ERO1B: variants seen among roughly 807,000 people sequenced by gnomAD.
ERO1B encodes ERO1-like protein beta.
Under a neutral mutation model 75.3 loss-of-function variants are expected in ERO1B, and 49 were observed. The observed-to-expected ratio is 0.65, with a 90% confidence interval of 0.52 to 0.83. The LOEUF is 0.83. Among genes scored for constraint, ERO1B ranks in the 40% least tolerant of loss-of-function variants. The pLI, the probability that ERO1B is intolerant of heterozygous loss-of-function variation, is 0.00. For missense variants in ERO1B, 512 were observed against 560.1 expected (o/e 0.91, Z 0.87); for synonymous variants, 191 against 192.9 (o/e 0.99, Z 0.08).
intron 1 of ERO1B, among the ~76,000 whole-genome samples, chr1:236,281,026 A>G (rs1665817333): frequency 6.6e-6 from 1 of 152,188 alleles, no homozygotes; most frequent in East Asian, 1.9e-4. Flanking sequence ...CAGAGCCTCC[A>G]TCCACGAGCC....
rs1322774033 is a variant in ERO1B at position 236,223,222 on chromosome 1, AAAG to A, written c.1123-1215_1123-1213del. Among the ~76,000 whole-genome samples, 15 of 151,460 alleles carry A rather than the reference AAAG, an allele frequency of 9.9e-5. No homozygotes were observed. The East Asian group carries it at 1.4e-3, about 14-fold the overall frequency. ...TGTCTCAAAAAAAAAAAAAAAAAAA[AAAG>A]AGAAGTTTCCTACACTGGGGAAATT... On this transcript the variant is annotated intron_variant, in intron 13 of 15. Coordinates refer to ENST00000354619, the MANE Select transcript of ERO1B (RefSeq NM_019891.4).
At chr1:236,247,902 G>A (rs770667008) in intron 5 of ERO1B, among the ~76,000 whole-genome samples, 12 of 148,030 alleles carry the variant, frequency 8.1e-5, no homozygotes, top group Non-Finnish European at 1.5e-4. Context: ...CACCTTCTTC[G>A]GCAATTTGTT....
At chr1:236,243,552 ATACTG>A (rs1486525800) in intron 5 of ERO1B, 57 bp from the exon 6 acceptor site, 1 of 1,141,974 alleles carries the variant, frequency 8.8e-7, no homozygotes, top group Admixed American at 2.1e-5. Context: ...GAAACTTTTA[ATACTG>A]TATTCTAGTG....
At chr1:236,223,704 A>G (rs764563810) in intron 13 of ERO1B, among the ~76,000 whole-genome samples, 11 of 152,218 alleles carry the variant, frequency 7.2e-5, no homozygotes, top group African/African-American at 2.4e-4. Flanking sequence ...CATCTACAAA[A>G]ACATACATAA....
chr1:236,217,112 T>C lies in ERO1B; in HGVS notation c.*1404A>G, dbSNP rs1480892042. 6.6e-6 allele frequency: 1 copy of C among 152,006 alleles called. No individual in the cohort carries two copies. The highest frequency in any genetic ancestry group is 1.5e-5 in the Non-Finnish European group (1 of 67,960). The allele number at this position is 152,006 out of a possible 1,614,324, so 9.4% of individuals were successfully genotyped here. A position where few individuals can be genotyped will look rare whatever the true frequency, so the allele number is the denominator to read the frequency against. The stretch of plus-strand genomic sequence containing the variant: ...CCAACTAAATACAATTTTTTAGATG[T>C]CACCAAATCATCAATGAACACATTT... On this transcript the variant is annotated 3_prime_UTR_variant, in exon 16 of 16. Transcript: ENST00000354619.
chr1:236,254,033 A>C (rs1003921027), intron 2 of ERO1B, among the ~76,000 whole-genome samples: 1 of 152,202 alleles, frequency 6.6e-6, no homozygotes, highest in Non-Finnish European at 1.5e-5. Context: ...GGAAGTGTGC[A>C]TTTGGATAAG....
At chr1:236,256,958 GC>G (rs1158315330) in intron 2 of ERO1B, among the ~76,000 whole-genome samples, 1 of 152,184 alleles carries the variant, frequency 6.6e-6, no homozygotes, top group African/African-American at 2.4e-5. Context: ...ACAGGCATCT[GC>G]CTCAGATGCT....
Position 236,217,964 on chromosome 1 carries a change from T to C in ERO1B, c.*552A>G, listed in dbSNP as rs1015809489. ...CTTCAGGAATTTCTGTAACTATGCA[T>C]TGAAAGGGCCATTCATCATGGTGAC... is the stretch of plus-strand genomic sequence containing the variant. On this transcript the variant is annotated 3_prime_UTR_variant, in exon 16 of 16. Coordinates refer to ENST00000354619, the MANE Select transcript of ERO1B (RefSeq NM_019891.4). The C allele has an allele frequency of 6.6e-5, 10 of 152,294 alleles. No individual in the cohort carries two copies. The highest frequency in any genetic ancestry group is 2.4e-4 in the African/African-American group (10 of 41,580). 9.4% of individuals were successfully genotyped at this position (152,294 alleles called of 1,614,324 possible).
intron 12 of ERO1B, among the ~76,000 whole-genome samples, chr1:236,225,737 C>T (rs1032967600): frequency 7.2e-5 from 11 of 152,180 alleles, no homozygotes; most frequent in Non-Finnish European, 1.5e-4. Flanking sequence ...GAGCTTGAGA[C>T]CAGCCTGTCC....
intron 15 of ERO1B, among the ~76,000 whole-genome samples, chr1:236,219,751 T>C (rs1012236352): frequency 1.3e-5 from 2 of 152,164 alleles, no homozygotes; most frequent in African/African-American, 4.8e-5. Context: ...CCAGGTACAG[T>C]GGCTCATGCC....
intron 3 of ERO1B, among the ~76,000 whole-genome samples, chr1:236,253,120 A>G (rs1726660): frequency 0.24 from 36,678 of 151,850 alleles, 4,658 homozygotes; most frequent in East Asian, 0.38. Flanking sequence ...TCAATAAAGC[A>G]TGAAATAAAA....
intron 2 of ERO1B, among the ~76,000 whole-genome samples, chr1:236,256,444 A>T (rs1665162074): frequency 6.6e-6 from 1 of 152,114 alleles, no homozygotes; most frequent in South Asian, 2.1e-4. Context: ...AATCTCTGCC[A>T]CCACGAATGG....
intron 2 of ERO1B, among the ~76,000 whole-genome samples, chr1:236,257,388 G>A (rs1665183081): frequency 6.6e-6 from 1 of 151,956 alleles, no homozygotes; most frequent in Non-Finnish European, 1.5e-5. Context: ...AGTTCCTCAA[G>A]CCAAAATCTT....
At chr1:236,281,218 TC>T (rs1321324387) in intron 1 of ERO1B, among the ~76,000 whole-genome samples, 2 of 151,844 alleles carry the variant, frequency 1.3e-5, no homozygotes, top group Non-Finnish European at 2.9e-5. Context: ...CCCCTCCCAA[TC>T]CCCTGCGCCT....
At chr1:236,235,664 C>A (rs1664521469) in intron 8 of ERO1B, 125 bp downstream of exon 8, 6 of 806,468 alleles carry the variant, frequency 7.4e-6, no homozygotes, top group Non-Finnish European at 9.8e-6. Context: ...ACTAATCTTA[C>A]ACTTTTTGTT....
rs766534328 is a variant in ERO1B at position 236,253,441 on chromosome 1, T to C, written c.287A>G (p.His96Arg). ...TTATACCTCTGGACAGGGCTCCACATGACAGTCTTTTATTGAACAGTGGCC... is the reference window on the plus strand; with the variant it reads ...TTATACCTCTGGACAGGGCTCCACACGACAGTCTTTTATTGAACAGTGGCC... ...EDGHCSIKDCHVEPCPESKIP... is the reference protein window; with the variant it reads ...EDGHCSIKDCRVEPCPESKIP... The change falls in exon 3 of 16, where the codon CAT becomes CGT. Residue 96 changes from histidine (H) to arginine (R), a missense_variant. By Grantham distance (29) the His-to-Arg change is conservative. Coordinates refer to ENST00000354619, the MANE Select transcript of ERO1B (RefSeq NM_019891.4). The C allele has an allele frequency of 1.9e-6, 3 of 1,609,384 alleles. No homozygotes were observed. The highest frequency in any genetic ancestry group is 1.7e-6 in the Non-Finnish European group (2 of 1,176,914).
intron 1 of ERO1B, among the ~76,000 whole-genome samples, chr1:236,277,444 C>T (rs574468042): frequency 6.6e-6 from 1 of 150,654 alleles, no homozygotes; most frequent in East Asian, 1.9e-4. Context: ...TACATGATGA[C>T]AGTAAAATTC....
intron 2 of ERO1B, among the ~76,000 whole-genome samples, chr1:236,265,788 G>A (rs975482127): frequency 1.2e-4 from 19 of 152,150 alleles, no homozygotes; most frequent in Admixed American, 1.0e-3. Context: ...CCAGCTTTCT[G>A]CCTATTCAAC....
At chr1:236,241,211 C>G (rs1664690345) in intron 6 of ERO1B, among the ~76,000 whole-genome samples, 1 of 151,970 alleles carries the variant, frequency 6.6e-6, no homozygotes, top group Admixed American at 6.6e-5. Context: ...ACAGCAATAA[C>G]TAAACAATGA....
Sources: gnomAD v4.1 joint callset for allele counts (sites outside exome capture counted in the v4.1 genomes callset) on GRCh38, gnomAD v4.1.1 for gene constraint, MANE v1.5 for transcripts, NCBI Gene and HGNC (gene_info 2026-07-23, HGNC 2026-07-21) for gene names.